The following EYS variants were observed in gnomAD, a reference collection of about 807,000 sequenced individuals.
EYS encodes the protein protein eyes shut homolog.
A neutral mutation model predicts 282.1 loss-of-function variants in EYS; 250 were observed. The ratio of observed to expected loss-of-function variants is 0.89; its 90% CI spans 0.80 to 0.98. The LOEUF (loss-of-function observed/expected upper bound fraction) is 0.98. Among genes scored for constraint, EYS ranks in the 50% least tolerant of loss-of-function variants. The probability of loss-of-function intolerance (pLI) is 0.00; values close to 1 mark genes in which losing one functional copy is unlikely to be tolerated. For missense variants in EYS, 4,016 were observed against 3,709.0 expected (o/e 1.08, Z -2.15); for synonymous variants, 1,355 against 1,282.9 (o/e 1.06, Z -1.20).
intron 5 of EYS, among the ~76,000 whole-genome samples, chr6:65,417,189 A>G (rs951227647): frequency 5.9e-5 from 9 of 151,984 alleles, no homozygotes; most frequent in African/African-American, 1.9e-4. Context: ...TTGCAATCTA[A>G]ACATGTACAA....
chr6:63,797,248 T>C (rs1475518522), intron 37 of EYS: 4 of 152,104 alleles, frequency 2.6e-5, no homozygotes, highest in Non-Finnish European at 5.9e-5. Context: ...TAGATATGAA[T>C]GAAAAGTTAA....
chr6:65,526,684 T>C (rs1224147380), intron 2 of EYS, among the ~76,000 whole-genome samples: 1 of 152,100 alleles, frequency 6.6e-6, no homozygotes, highest in African/African-American at 2.4e-5. Context: ...CGGGCGCCTG[T>C]AGTCCCAGCT....
intron 31 of EYS, among the ~76,000 whole-genome samples, chr6:64,141,666 G>A (rs1468155817): frequency 6.6e-6 from 1 of 152,012 alleles, no homozygotes; most frequent in African/African-American, 2.4e-5. Flanking sequence ...ATATAAGAAT[G>A]GTATTTCTAA....
chr6:64,241,569 CT>C (rs1217375570), intron 30 of EYS, among the ~76,000 whole-genome samples: 1 of 151,682 alleles, frequency 6.6e-6, no homozygotes, highest in Non-Finnish European at 1.5e-5. Flanking sequence ...GTGTTGTTGT[CT>C]CCTTTATCAT....
chr6:65,264,051 TTTTC>T lies in EYS; in HGVS notation c.2023+31808_2023+31811del, dbSNP rs921156396. On this transcript the variant is annotated intron_variant, in intron 12 of 42. Coordinates refer to ENST00000503581, the MANE Select transcript of EYS (RefSeq NM_001142800.2). ...GAGTTAGGCAAATTAGACATTTAAA[TTTTC>T]TTTCTTTCTTTTGAAATAATATCTC... Among the ~76,000 whole-genome samples, 3 of 152,088 alleles carry T rather than the reference TTTTC, an allele frequency of 2.0e-5. No homozygotes were observed. In the East Asian group the frequency reaches 5.8e-4, roughly 29 times the overall value.
chr6:64,655,781 CTTTA>C (rs1768723339), intron 22 of EYS, among the ~76,000 whole-genome samples: 1 of 151,936 alleles, frequency 6.6e-6, no homozygotes, highest in South Asian at 2.1e-4. Flanking sequence ...ACAGCTCTTA[CTTTA>C]TTTAATAATA....
chr6:65,131,560 T>A (rs1188570033), intron 12 of EYS, among the ~76,000 whole-genome samples: 2 of 151,936 alleles, frequency 1.3e-5, no homozygotes, highest in African/African-American at 2.4e-5. Context: ...CACGTCAGAA[T>A]CTCTGTTACA....
intron 22 of EYS, among the ~76,000 whole-genome samples, chr6:64,811,556 G>T (rs1160822243): frequency 6.6e-6 from 1 of 152,130 alleles, no homozygotes; most frequent in African/African-American, 2.4e-5. Flanking sequence ...ATGTTGGGAG[G>T]TGGTGCCTGT....
intron 8 of EYS, among the ~76,000 whole-genome samples, chr6:65,363,027 C>T (rs570685260): frequency 9.2e-5 from 14 of 152,106 alleles, no homozygotes; most frequent in African/African-American, 3.1e-4. Context: ...CAACTTTCAG[C>T]TGCTGAGGTA....
chr6:65,374,175 C>A (rs115345770), intron 8 of EYS, among the ~76,000 whole-genome samples: 1 of 152,202 alleles, frequency 6.6e-6, no homozygotes, highest in South Asian at 2.1e-4. Context: ...TCTGTATTTC[C>A]AACTGAGGTA....
At chr6:65,103,564 T>C (rs1270779788) in intron 12 of EYS, among the ~76,000 whole-genome samples, 1 of 151,526 alleles carries the variant, frequency 6.6e-6, no homozygotes, top group Admixed American at 6.6e-5. Flanking sequence ...TTATTTTGTA[T>C]TGTAAGTGAC....
intron 12 of EYS, among the ~76,000 whole-genome samples, chr6:65,282,841 C>T (rs915296710): frequency 4.0e-5 from 6 of 151,842 alleles, no homozygotes; most frequent in African/African-American, 1.4e-4. Context: ...CATTTGTATA[C>T]TGTTGATTAT....
chr6:64,905,088 T>C (rs1043806679), intron 16 of EYS, among the ~76,000 whole-genome samples: 8 of 152,214 alleles, frequency 5.3e-5, no homozygotes, highest in Non-Finnish European at 5.9e-5. Context: ...AACAATGATC[T>C]ATAAATATTA....
chr6:64,066,450 G>A lies in EYS; in HGVS notation c.6613C>T (p.Leu2205Phe), dbSNP rs1290357542. ...NCGKQFLHLF[L>F]VEGRPSVKYG... ...TTAACTGATGGCCTTCCTTCCACAAGAAATAAATGAAGAAACTGCTTTCCA... is the reference window on the plus strand; with the variant it reads ...TTAACTGATGGCCTTCCTTCCACAAAAAATAAATGAAGAAACTGCTTTCCA... Residue 2205 changes from leucine (L) to phenylalanine (F), a missense_variant, in exon 33 of 43, where the codon CTT becomes TTT. By Grantham distance (22) the Leu-to-Phe change is conservative (BLOSUM62 0). Coordinates refer to ENST00000503581, the MANE Select transcript of EYS (RefSeq NM_001142800.2). 27 of 1,547,272 alleles carry A rather than the reference G, an allele frequency of 1.7e-5. No homozygotes were observed. Among genetic ancestry groups the A allele is most frequent in the Non-Finnish European group, 2.4e-5 (27 of 1,143,380 alleles).
At chr6:65,277,429 CA>C (rs369210712) in intron 12 of EYS, among the ~76,000 whole-genome samples, 81 of 58,118 alleles carry the variant, frequency 1.4e-3, no homozygotes, top group Non-Finnish European at 1.2e-3. Flanking sequence ...GAGATTCCGT[CA>C]AAAAAAAAAA....
At chr6:65,624,548 G>A (rs1043538696) in intron 2 of EYS, among the ~76,000 whole-genome samples, 2 of 152,130 alleles carry the variant, frequency 1.3e-5, no homozygotes, top group African/African-American at 4.8e-5. Flanking sequence ...GTTTGTGAGG[G>A]TGTTGCCAAA....
At chr6:64,892,434 C>T (rs974535552) in intron 18 of EYS, among the ~76,000 whole-genome samples, 1 of 151,814 alleles carries the variant, frequency 6.6e-6, no homozygotes, top group African/African-American at 2.4e-5. Context: ...AGCTTACATT[C>T]AAAATAAGAA....
intron 26 of EYS, among the ~76,000 whole-genome samples, chr6:64,452,984 G>A (rs1775416222): frequency 6.6e-6 from 1 of 152,136 alleles, no homozygotes; most frequent in Admixed American, 6.6e-5. Context: ...AAAAGCAATG[G>A]CAACAAAAGC....
At chr6:64,995,492 T>A (rs1771223479) in intron 14 of EYS, among the ~76,000 whole-genome samples, 1 of 152,088 alleles carries the variant, frequency 6.6e-6, no homozygotes, top group South Asian at 2.1e-4. Flanking sequence ...ATCTGAAAGC[T>A]ATGAAATGCT....
Sources: gnomAD v4.1 joint callset for allele counts (sites outside exome capture counted in the v4.1 genomes callset) on GRCh38, gnomAD v4.1.1 for gene constraint, MANE v1.5 for transcripts, NCBI Gene and HGNC (gene_info 2026-07-23, HGNC 2026-07-21) for gene names.